The following DGKB variants were observed in gnomAD, a reference collection of about 807,000 sequenced individuals.
DGKB encodes diacylglycerol kinase beta.
A neutral mutation model predicts 114.3 loss-of-function variants in DGKB; 67 were observed. That is an observed-to-expected ratio of 0.59 (90% CI 0.48 to 0.72). The LOEUF (loss-of-function observed/expected upper bound fraction) is 0.72. Among genes scored for constraint, DGKB ranks in the 30% least tolerant of loss-of-function variants. The pLI, the probability that DGKB is intolerant of heterozygous loss-of-function variation, is 0.00. For synonymous variants in DGKB, 398 were observed against 323.1 expected (o/e 1.23, Z -2.49); for missense variants, 907 against 975.2 (o/e 0.93, Z 0.93).
intron 4 of DGKB, among the ~76,000 whole-genome samples, chr7:14,746,585 G>A (rs937992023): frequency 1.3e-4 from 20 of 152,032 alleles, no homozygotes; most frequent in African/African-American, 3.6e-4. Flanking sequence ...TGCAACTTCC[G>A]CCTCCTGGGT....
intron 23 of DGKB, among the ~76,000 whole-genome samples, chr7:14,180,171 G>C (rs1782421286): frequency 6.8e-6 from 1 of 146,452 alleles, no homozygotes; most frequent in African/African-American, 2.6e-5. Context: ...ATTTAGTATT[G>C]TAGATTTTGC....
rs147210018 is a variant in DGKB at position 14,767,112 on chromosome 7, G to T, written c.71-9381C>A. ...AAAGAATTTGGGCAGTAGCTGGACT[G>T]CAAGAAGTGAAGGCAAGATAAATTT... On this transcript the variant is annotated intron_variant, in intron 2 of 25. Coordinates refer to ENST00000402815, the MANE Select transcript of DGKB (RefSeq NM_001350709.2). Among the ~76,000 whole-genome samples, 350 of 151,370 alleles carry T rather than the reference G, an allele frequency of 2.3e-3. 3 individuals are homozygous for T. Among genetic ancestry groups the T allele is most frequent in the African/African-American group, 8.1e-3 (335 of 41,336 alleles).
chr7:14,485,868 G>C (rs929610678), intron 20 of DGKB, among the ~76,000 whole-genome samples: 26 of 145,436 alleles, frequency 1.8e-4, no homozygotes, highest in East Asian at 2.3e-4. Flanking sequence ...TCTGGCCTGG[G>C]TAACAAGAAT....
intron 1 of DGKB, among the ~76,000 whole-genome samples, chr7:14,918,115 A>T (rs1249292285): frequency 6.6e-6 from 1 of 152,178 alleles, no homozygotes; most frequent in African/African-American, 2.4e-5. Flanking sequence ...TTGATAAAGA[A>T]TATCTACAAT....
intron 2 of DGKB, among the ~76,000 whole-genome samples, chr7:14,769,562 T>A (rs1837103697): frequency 6.6e-6 from 1 of 151,896 alleles, no homozygotes; most frequent in South Asian, 2.1e-4. Context: ...AAACATAAAA[T>A]CTGCCAAAGG....
chr7:14,731,134 T>A (rs1055148062), intron 5 of DGKB, among the ~76,000 whole-genome samples: 1 of 152,162 alleles, frequency 6.6e-6, no homozygotes, highest in African/African-American at 2.4e-5. Flanking sequence ...GATTCCAGTA[T>A]TTTAGGACTG....
intron 13 of DGKB, among the ~76,000 whole-genome samples, chr7:14,657,681 A>G (rs1435622804): frequency 6.6e-6 from 1 of 151,832 alleles, no homozygotes; most frequent in African/African-American, 2.4e-5. Context: ...ACACATCCTT[A>G]GTTAGTTATA....
chr7:14,681,652 C>T (rs1381822383), intron 12 of DGKB, among the ~76,000 whole-genome samples: 2 of 151,924 alleles, frequency 1.3e-5, no homozygotes, highest in African/African-American at 4.8e-5. Flanking sequence ...AACCTCAGCC[C>T]CATAAATATT....
In DGKB at chr7:14,841,315, G is replaced by C; in HGVS notation, c.-52C>G. The C allele has an allele frequency of 6.6e-7, 1 of 1,520,450 alleles. No homozygotes were observed. The highest frequency in any genetic ancestry group is 9.1e-7 in the Non-Finnish European group (1 of 1,101,410). 94.2% of individuals were successfully genotyped at this position (1,520,450 alleles called of 1,614,324 possible). The stretch of plus-strand genomic sequence containing the variant: ...ACCAGGTAAAAGATTCTTTATTCAG[G>C]TGTTGCGCAGAGGTCTATGCTTCAA... On this transcript the variant is annotated 5_prime_UTR_variant, in exon 2 of 26. Transcript: ENST00000402815.
chr7:14,923,983 C>CAAAAAAAAAAAAAAAAA lies in DGKB; in HGVS notation c.-188+50696_-188+50712dup, dbSNP rs56032330. ...TGGGCAACACAGTGAAGCTCCATCT[C>CAAAAAAAAAAAAAAAAA]AAAAAAAAAAAAAAAAAAAAAGCTT... On this transcript the variant is annotated intron_variant, in intron 1 of 4. Transcript: ENST00000437998. Among the ~76,000 whole-genome samples, 44 of 76,142 alleles carry CAAAAAAAAAAAAAAAAA rather than the reference C, an allele frequency of 5.8e-4. 1 individual carries two copies. Among genetic ancestry groups the CAAAAAAAAAAAAAAAAA allele is most frequent in the East Asian group, 2.2e-3 (3 of 1,382 alleles). 50.0% of individuals were successfully genotyped at this position (76,142 alleles called of 152,430 possible). A position where few individuals can be genotyped will look rare whatever the true frequency, so the allele number is the denominator to read the frequency against.
At chr7:14,791,931 A>C (rs1050561082) in intron 2 of DGKB, among the ~76,000 whole-genome samples, 5 of 151,814 alleles carry the variant, frequency 3.3e-5, no homozygotes, top group African/African-American at 1.2e-4. Flanking sequence ...GTGGTTTTCC[A>C]TATTTTTACT....
At chr7:14,878,148 C>G (rs949060587) in intron 1 of DGKB, among the ~76,000 whole-genome samples, 6 of 151,780 alleles carry the variant, frequency 4.0e-5, no homozygotes, top group African/African-American at 1.5e-4. Context: ...GTGTATTACC[C>G]TTGCACATAT....
chr7:14,490,697 A>G (rs1440292068), intron 20 of DGKB, among the ~76,000 whole-genome samples: 2 of 152,154 alleles, frequency 1.3e-5, no homozygotes, highest in African/African-American at 4.8e-5. Flanking sequence ...ATGACTTAGA[A>G]CTTTGTTATT....
At chr7:14,904,866 G>T (rs946370306), upstream of DGKB, among the ~76,000 whole-genome samples, 1 of 152,180 alleles carries the variant, frequency 6.6e-6, no homozygotes, top group South Asian at 2.1e-4. Context: ...AAGGAAGTAG[G>T]CACAAGAAGT....
intron 2 of DGKB, among the ~76,000 whole-genome samples, chr7:14,801,943 C>CACAA (rs2128051767): frequency 6.6e-6 from 1 of 151,682 alleles, no homozygotes; most frequent in South Asian, 2.1e-4. Flanking sequence ...CACACACACA[C>CACAA]ACACGCACAC....
chr7:14,733,049 G>C (rs1252961435), intron 5 of DGKB, among the ~76,000 whole-genome samples: 1 of 152,144 alleles, frequency 6.6e-6, no homozygotes, highest in African/African-American at 2.4e-5. Context: ...TAAGGTATGT[G>C]TGTGATACAT....
intron 1 of DGKB, among the ~76,000 whole-genome samples, chr7:14,874,563 C>T (rs764783776): frequency 7.9e-5 from 12 of 151,812 alleles, no homozygotes; most frequent in South Asian, 2.1e-4. Context: ...TTCTCTCTCT[C>T]TCTTTTTCTA....
chr7:14,803,644 T>C (rs1397748358), intron 2 of DGKB, among the ~76,000 whole-genome samples: 1 of 145,570 alleles, frequency 6.9e-6, no homozygotes, highest in South Asian at 2.2e-4. Context: ...TGCTTTTTAA[T>C]GTAATTTATT....
At chr7:14,931,782 A>G (rs1005060265) in intron 1 of DGKB, among the ~76,000 whole-genome samples, 9 of 150,008 alleles carry the variant, frequency 6.0e-5, no homozygotes, top group African/African-American at 2.0e-4. Context: ...AAGATACACC[A>G]CCTGGCTCAA....
Sources: gnomAD v4.1 joint callset for allele counts (sites outside exome capture counted in the v4.1 genomes callset) on GRCh38, gnomAD v4.1.1 for gene constraint, MANE v1.5 for transcripts, NCBI Gene and HGNC (gene_info 2026-07-23, HGNC 2026-07-21) for gene names.